The following WSCD2 variants were observed in gnomAD, a reference collection of about 807,000 sequenced individuals.
WSCD2 encodes the protein WSC domain sialate O sulfotransferase 2.
Under a neutral mutation model 55.7 loss-of-function variants are expected in WSCD2, and 28 were observed. That is an observed-to-expected ratio of 0.50 (90% CI 0.37 to 0.69). The LOEUF (loss-of-function observed/expected upper bound fraction) is 0.69. Ranked by LOEUF, WSCD2 falls within the 30% of genes least tolerant of loss-of-function variation. The pLI is 0.00. For missense variants in WSCD2, 616 were observed against 762.1 expected (o/e 0.81, Z 2.26); for synonymous variants, 301 against 301.9 (o/e 1.00, Z 0.03).
intron 5 of WSCD2, 132 bp downstream of exon 5, chr12:108,224,992 G>A (rs55794643): frequency 0.045 from 59,618 of 1,321,756 alleles, 1,898 homozygotes; most frequent in African/African-American, 0.16. Flanking sequence ...GATCTATGAC[G>A]TGGGAGAGGG....
At chr12:108,208,021 G>A (rs1331274329) in intron 3 of WSCD2, among the ~76,000 whole-genome samples, 1 of 152,156 alleles carries the variant, frequency 6.6e-6, no homozygotes, top group Admixed American at 6.5e-5. Flanking sequence ...TGGGGTGAAA[G>A]GAAATACTTC....
intron 1 of WSCD2, among the ~76,000 whole-genome samples, chr12:108,159,075 T>C (rs1592904972): frequency 6.6e-6 from 1 of 152,226 alleles, no homozygotes; most frequent in Admixed American, 6.5e-5. Context: ...CTCCCTGTGC[T>C]CCAGCCATCT....
intron 4 of WSCD2, among the ~76,000 whole-genome samples, chr12:108,218,531 T>G (rs904074673): frequency 3.3e-5 from 5 of 152,116 alleles, no homozygotes; most frequent in African/African-American, 1.2e-4. Context: ...AAAAGATGGG[T>G]GCCCAGCTTG....
chr12:108,243,789 G>A (rs778111106), intron 8 of WSCD2, among the ~76,000 whole-genome samples: 2 of 152,024 alleles, frequency 1.3e-5, no homozygotes, highest in African/African-American at 2.4e-5. Context: ...GGATGCCCTC[G>A]GTGACAGAAT....
chr12:108,207,115 T>A (rs1000390014), intron 3 of WSCD2, among the ~76,000 whole-genome samples: 2 of 152,030 alleles, frequency 1.3e-5, no homozygotes, highest in Non-Finnish European at 2.9e-5. Flanking sequence ...GTTTTGAGAG[T>A]GGACAAGTCC....
chr12:108,209,456 A>G (rs1885839239), intron 3 of WSCD2, among the ~76,000 whole-genome samples: 1 of 152,136 alleles, frequency 6.6e-6, no homozygotes, highest in African/African-American at 2.4e-5. Flanking sequence ...AGAGTGGGGT[A>G]GGGGAGACCA....
At chr12:108,133,539 C>T (rs147271073) in intron 1 of WSCD2, among the ~76,000 whole-genome samples, 304 of 152,184 alleles carry the variant, frequency 2.0e-3, no homozygotes, top group African/African-American at 7.1e-3. Flanking sequence ...TGTGAACATA[C>T]CTGTGAGCTT....
At chr12:108,216,719 C>CA (rs1886873620) in intron 4 of WSCD2, among the ~76,000 whole-genome samples, 1 of 152,350 alleles carries the variant, frequency 6.6e-6, no homozygotes, top group Admixed American at 6.5e-5. Flanking sequence ...CACTGGAGAG[C>CA]TCTGGAGGAT....
chr12:108,166,787 T>TTCTTTCTG (rs1180713499), intron 1 of WSCD2, among the ~76,000 whole-genome samples: 5 of 146,140 alleles, frequency 3.4e-5, no homozygotes, highest in Admixed American at 6.8e-5. Context: ...CTTTCTTTCT[T>TTCTTTCTG]TCTGTCTTTC....
chr12:108,248,381 A>C lies in WSCD2; in HGVS notation c.*38A>C. On this transcript the variant is annotated 3_prime_UTR_variant, in exon 9 of 9. Coordinates refer to ENST00000547525, the MANE Select transcript of WSCD2 (RefSeq NM_014653.4). This position sits in a 1 kb window ranked among gnomAD's most constrained non-coding sequence, Gnocchi z 4.3. ...GGGGGAGGGTAGACTGGGAGTCCTG[A>C]CCACGCAGGCCCTGGGGACTCAAGA... is the stretch of plus-strand genomic sequence containing the variant. 6.3e-7 allele frequency: 1 copy of C among 1,583,142 alleles called. No individual in the cohort carries two copies.
At chr12:108,174,384 C>G (rs1880567806) in intron 1 of WSCD2, among the ~76,000 whole-genome samples, 1 of 152,176 alleles carries the variant, frequency 6.6e-6, no homozygotes, top group South Asian at 2.1e-4. Flanking sequence ...CTGAGTGCCT[C>G]AGTTTCCTCA....
In WSCD2 at chr12:108,248,955, C is replaced by T. The variant is rs1042801293; in HGVS notation, c.*612C>T. 2 of 979,082 alleles carry T rather than the reference C, an allele frequency of 2.0e-6. No homozygotes were observed. The highest frequency in any genetic ancestry group is 3.5e-5 in the African/African-American group (2 of 57,090). The allele number at this position is 979,082 out of a possible 1,614,324, so 60.6% of individuals were successfully genotyped here. A position where few individuals can be genotyped will look rare whatever the true frequency, so the allele number is the denominator to read the frequency against. ...GTGCTCACAGTAGGTTAATTGGAGA[C>T]ACCATGTGGGGCCATTGGTGTTATG... On this transcript the variant is annotated 3_prime_UTR_variant, in exon 9 of 9. Coordinates refer to ENST00000547525, the MANE Select transcript of WSCD2 (RefSeq NM_014653.4). The surrounding 1 kb of genome is among the most constrained non-coding windows in gnomAD (Gnocchi z 4.3).
intron 1 of WSCD2, among the ~76,000 whole-genome samples, chr12:108,130,478 GTGT>G (rs1565905438): frequency 8.3e-3 from 388 of 46,594 alleles, no homozygotes; most frequent in Middle Eastern, 0.013. Context: ...ATTCTGGGGT[GTGT>G]GTGTGTGTGT....
chr12:108,170,284 T>G (rs564200343), intron 1 of WSCD2, among the ~76,000 whole-genome samples: 1 of 152,254 alleles, frequency 6.6e-6, no homozygotes, highest in South Asian at 2.1e-4. Flanking sequence ...CACTATGCAG[T>G]GTAGTCACTA....
Position 108,190,101 on chromosome 12 carries a change from G to A in WSCD2, c.-551-5181G>A, listed in dbSNP as rs1388510481. Among the ~76,000 whole-genome samples, 4 of 152,294 alleles carry A rather than the reference G, an allele frequency of 2.6e-5. No homozygotes were observed. The East Asian group carries it at 7.7e-4, about 29-fold the overall frequency. ...ATTACATCATCACTCTATAGATGGG[G>A]AAACTGATGTTCAAAGAAGTTAATG... is the stretch of plus-strand genomic sequence containing the variant. On this transcript the variant is annotated intron_variant, in intron 1 of 8. Coordinates refer to ENST00000547525, the MANE Select transcript of WSCD2 (RefSeq NM_014653.4).
chr12:108,211,687 A>C (rs1207051893), intron 4 of WSCD2, among the ~76,000 whole-genome samples: 1 of 149,674 alleles, frequency 6.7e-6, no homozygotes, highest in African/African-American at 2.5e-5. Flanking sequence ...AGAGCCTCAC[A>C]CTGTTGCCCA....
chr12:108,165,481 T>C (rs1459286710), intron 1 of WSCD2, among the ~76,000 whole-genome samples: 2 of 152,232 alleles, frequency 1.3e-5, no homozygotes, highest in East Asian at 3.9e-4. Context: ...CCCTCTCATC[T>C]TGGCTTCCCA....
chr12:108,191,083 TAG>T (rs780997921), intron 1 of WSCD2, among the ~76,000 whole-genome samples: 8 of 152,064 alleles, frequency 5.3e-5, no homozygotes, highest in Admixed American at 6.5e-5. Flanking sequence ...TATGAACAAA[TAG>T]AGACAGAGAG....
chr12:108,229,865 GAAA>G (rs199775108), intron 6 of WSCD2, among the ~76,000 whole-genome samples: 46 of 117,252 alleles, frequency 3.9e-4, no homozygotes, highest in Middle Eastern at 4.8e-3. Flanking sequence ...TTTTGCTCTG[GAAA>G]AAAAAAAAAA....
Sources: gnomAD v4.1 joint callset for allele counts (sites outside exome capture counted in the v4.1 genomes callset) on GRCh38, gnomAD v4.1.1 for gene constraint, Gnocchi (gnomAD v3.1) non-coding constraint, MANE v1.5 for transcripts, NCBI Gene and HGNC (gene_info 2026-07-23, HGNC 2026-07-21) for gene names.